KCNMA1: variants seen among roughly 807,000 people sequenced by gnomAD.
KCNMA1 encodes potassium calcium-activated channel subfamily M alpha 1.
In KCNMA1, 29 loss-of-function variants were observed where a neutral mutation model predicts 140.0. The ratio of observed to expected loss-of-function variants is 0.21; its 90% CI spans 0.15 to 0.28. The LOEUF (loss-of-function observed/expected upper bound fraction) is 0.28, where lower values mean the gene tolerates loss of function less well. Among genes scored for constraint, KCNMA1 ranks in the 10% least tolerant of loss-of-function variants. The pLI is 1.00. For synonymous variants in KCNMA1, 612 were observed against 611.9 expected (o/e 1.00, Z 0.00); for missense variants, 880 against 1,602.2 (o/e 0.55, Z 7.70).
At chr10:77,610,050 C>T (rs978205999) in intron 1 of KCNMA1, among the ~76,000 whole-genome samples, 11 of 152,226 alleles carry the variant, frequency 7.2e-5, no homozygotes, top group African/African-American at 1.7e-4. Context: ...CCTGTTCCCA[C>T]CCTGCACCAG....
chr10:77,515,256 A>G (rs566546339), intron 1 of KCNMA1, among the ~76,000 whole-genome samples: 1 of 152,280 alleles, frequency 6.6e-6, no homozygotes, highest in Admixed American at 6.5e-5. Flanking sequence ...CAAACCAATC[A>G]TCACCATGAG....
chr10:76,997,942 T>C (rs1001129943), intron 19 of KCNMA1, among the ~76,000 whole-genome samples: 2 of 152,202 alleles, frequency 1.3e-5, no homozygotes, highest in East Asian at 3.9e-4. Context: ...TAAAATCCTT[T>C]TGTGATGAAT....
intron 1 of KCNMA1, chr10:77,634,778 C>G (rs994660079): frequency 3.2e-5 from 5 of 154,188 alleles, no homozygotes; most frequent in Non-Finnish European, 4.3e-5. Flanking sequence ...GAAAAAAAGA[C>G]AAACACACAC....
At chr10:77,306,880 G>A (rs1215144916) in intron 2 of KCNMA1, among the ~76,000 whole-genome samples, 2 of 152,174 alleles carry the variant, frequency 1.3e-5, no homozygotes, top group East Asian at 3.8e-4. Flanking sequence ...AGTAGATAAT[G>A]GTGATCACTG....
intron 2 of KCNMA1, among the ~76,000 whole-genome samples, chr10:77,294,195 C>T (rs1220015205): frequency 6.6e-6 from 1 of 152,206 alleles, no homozygotes; most frequent in Admixed American, 6.5e-5. Context: ...TAATGAATAG[C>T]CTTTCTAGTG....
At chr10:76,945,282 C>A (rs1184991962) in intron 22 of KCNMA1, among the ~76,000 whole-genome samples, 1 of 152,170 alleles carries the variant, frequency 6.6e-6, no homozygotes, top group Non-Finnish European at 1.5e-5. Context: ...GGTTCTACAT[C>A]TTCTTCCTGC....
chr10:77,533,680 CA>C (rs1332263391), intron 1 of KCNMA1, among the ~76,000 whole-genome samples: 1 of 152,122 alleles, frequency 6.6e-6, no homozygotes, highest in Non-Finnish European at 1.5e-5. Flanking sequence ...CACTGACCTC[CA>C]AATATCCCTC....
chr10:77,469,822 T>C (rs965992222), intron 1 of KCNMA1, among the ~76,000 whole-genome samples: 3 of 152,198 alleles, frequency 2.0e-5, no homozygotes, highest in African/African-American at 7.2e-5. Flanking sequence ...TTCCGGCTGA[T>C]GGCTGGGGGA....
chr10:77,496,191 C>T (rs1279446904), intron 1 of KCNMA1, among the ~76,000 whole-genome samples: 1 of 152,164 alleles, frequency 6.6e-6, no homozygotes, highest in Non-Finnish European at 1.5e-5. Context: ...CCTACCACCT[C>T]CTTGACAACA....
chr10:77,012,349 C>T, intron 17 of KCNMA1: 1 of 1,480,224 alleles, frequency 6.8e-7, no homozygotes, highest in Non-Finnish European at 9.0e-7. Flanking sequence ...TTGAGAACAG[C>T]CTTTGATGCT....
At chr10:77,211,595 T>G (rs1192795184) in intron 3 of KCNMA1, among the ~76,000 whole-genome samples, 1 of 152,016 alleles carries the variant, frequency 6.6e-6, no homozygotes, top group Non-Finnish European at 1.5e-5. Context: ...AAAACAAAAA[T>G]TGACAAGTGG....
At chr10:77,553,247 C>A (rs2063308180) in intron 1 of KCNMA1, among the ~76,000 whole-genome samples, 1 of 152,152 alleles carries the variant, frequency 6.6e-6, no homozygotes, top group Non-Finnish European at 1.5e-5. Context: ...CCGTGGGACT[C>A]CATAAAACTA....
intron 23 of KCNMA1, among the ~76,000 whole-genome samples, chr10:76,943,811 G>C (rs1209911434): frequency 1.3e-5 from 2 of 152,184 alleles, no homozygotes; most frequent in African/African-American, 4.8e-5. Context: ...TGATTCAGCT[G>C]AGCTTCTAGA....
intron 10 of KCNMA1, among the ~76,000 whole-genome samples, chr10:77,087,665 C>T (rs1211128516): frequency 6.6e-6 from 1 of 152,200 alleles, no homozygotes; most frequent in East Asian, 1.9e-4. Context: ...TCTGTACTGA[C>T]ATCTTTCTCT....
chr10:77,580,056 T>TCAC (rs1825325621), intron 1 of KCNMA1, among the ~76,000 whole-genome samples: 1 of 152,050 alleles, frequency 6.6e-6, no homozygotes, highest in Non-Finnish European at 1.5e-5. Flanking sequence ...ACAAAAACCT[T>TCAC]CAATGTCTAC....
intron 2 of KCNMA1, among the ~76,000 whole-genome samples, chr10:77,369,813 T>A (rs1422038382): frequency 2.0e-5 from 3 of 152,238 alleles, no homozygotes; most frequent in Non-Finnish European, 4.4e-5. Flanking sequence ...TCCAATTGAA[T>A]GAGTCTGATC....
intron 1 of KCNMA1, among the ~76,000 whole-genome samples, chr10:77,612,855 C>G (rs1391722659): frequency 6.6e-6 from 1 of 152,160 alleles, no homozygotes; most frequent in Admixed American, 6.6e-5. Context: ...ACAATCCCCT[C>G]TAAGCCATTT....
intron 2 of KCNMA1, among the ~76,000 whole-genome samples, chr10:77,391,796 C>T (rs1299552413): frequency 6.6e-6 from 1 of 151,868 alleles, no homozygotes; most frequent in Admixed American, 6.6e-5. Context: ...CATCAGCTTG[C>T]GTGTGGTCCC....
intron 1 of KCNMA1, among the ~76,000 whole-genome samples, chr10:77,514,503 C>CAA (rs2049613454): frequency 6.6e-6 from 1 of 152,160 alleles, no homozygotes; most frequent in Non-Finnish European, 1.5e-5. Context: ...TAAAAAGGCC[C>CAA]AGGAGGCAGA....
Sources: gnomAD v4.1 joint callset for allele counts (sites outside exome capture counted in the v4.1 genomes callset) on GRCh38, gnomAD v4.1.1 for gene constraint, MANE v1.5 for transcripts, NCBI Gene and HGNC (gene_info 2026-07-23, HGNC 2026-07-21) for gene names.